RBMS3: variants seen among roughly 807,000 people sequenced by gnomAD.
The protein encoded by RBMS3 is RNA binding motif single stranded interacting protein 3, also known as RNA-binding motif, single-stranded-interacting protein 3.
RBMS3 carries 27 observed loss-of-function variants against 66.8 expected under a neutral mutation model. The observed-to-expected ratio is 0.40, with a 90% CI of 0.30 to 0.56. The LOEUF is 0.56. Among genes scored for constraint, RBMS3 ranks in the 20% least tolerant of loss-of-function variants. The pLI, the probability that RBMS3 is intolerant of heterozygous loss-of-function variation, is 0.40. For missense variants in RBMS3, 513 were observed against 549.5 expected, an observed-to-expected ratio of 0.93 and a Z score of 0.66; for synonymous variants, 188 against 183.0, an observed-to-expected ratio of 1.03 and a Z score of -0.22.
chr3:29,308,832 T>G (rs2125461131), intron 1 of RBMS3, among the ~76,000 whole-genome samples: 1 of 150,816 alleles, frequency 6.6e-6, no homozygotes, highest in South Asian at 2.1e-4. Context: ...AGCTTGATTT[T>G]GGAAGCTTGG....
intron 10 of RBMS3, among the ~76,000 whole-genome samples, chr3:29,920,152 G>A (rs1424872335): frequency 1.3e-5 from 2 of 151,924 alleles, no homozygotes; most frequent in Admixed American, 6.6e-5. Context: ...AGCCACATGG[G>A]GTTATAATCA....
At chr3:29,497,685 T>C (rs1310842062) in intron 3 of RBMS3, among the ~76,000 whole-genome samples, 1 of 152,118 alleles carries the variant, frequency 6.6e-6, no homozygotes, top group African/African-American at 2.4e-5. Flanking sequence ...GGATACCCCA[T>C]CTCTCATCTC....
At chr3:29,942,760 C>T (rs200174787) in intron 11 of RBMS3, among the ~76,000 whole-genome samples, 6 of 149,652 alleles carry the variant, frequency 4.0e-5, no homozygotes, top group African/African-American at 1.5e-4. Flanking sequence ...TTTAAAATGT[C>T]ATAAGTATAT....
intron 1 of RBMS3, among the ~76,000 whole-genome samples, chr3:29,370,033 G>A (rs1229560804): frequency 6.6e-6 from 1 of 152,160 alleles, no homozygotes; most frequent in Non-Finnish European, 1.5e-5. Context: ...CCAAAGAAAT[G>A]ACTTCGTGGT....
chr3:29,347,600 A>G (rs570151810), intron 1 of RBMS3, among the ~76,000 whole-genome samples: 1 of 152,186 alleles, frequency 6.6e-6, no homozygotes, highest in African/African-American at 2.4e-5. Context: ...GAAATAGTCA[A>G]TTATGTGGAT....
chr3:29,354,865 T>C (rs2037126717), intron 1 of RBMS3, among the ~76,000 whole-genome samples: 1 of 152,124 alleles, frequency 6.6e-6, no homozygotes, highest in South Asian at 2.1e-4. Flanking sequence ...GCACTCATTC[T>C]GTGTCAGACT....
chr3:29,784,950 T>C (rs539589053), intron 6 of RBMS3, among the ~76,000 whole-genome samples: 36 of 152,198 alleles, frequency 2.4e-4, no homozygotes, highest in African/African-American at 8.7e-4. Context: ...GATACATTTC[T>C]GAAAATATAC....
At chr3:29,827,621 C>A (rs1360410717) in intron 6 of RBMS3, among the ~76,000 whole-genome samples, 1 of 152,132 alleles carries the variant, frequency 6.6e-6, no homozygotes, top group Non-Finnish European at 1.5e-5. Flanking sequence ...CAGAGACTGT[C>A]CCTCAATTCC....
intron 4 of RBMS3, among the ~76,000 whole-genome samples, chr3:29,739,446 A>T (rs564294883): frequency 7.7e-6 from 1 of 130,338 alleles, no homozygotes; most frequent in Non-Finnish European, 1.6e-5. Flanking sequence ...ACAGAGCGAG[A>T]CTCCGTCTCA....
At chr3:29,913,308 G>A (rs1031476871) in intron 10 of RBMS3, among the ~76,000 whole-genome samples, 1 of 151,978 alleles carries the variant, frequency 6.6e-6, no homozygotes, top group Non-Finnish European at 1.5e-5. Context: ...AGCAGACTCT[G>A]AAATCTGCAC....
intron 4 of RBMS3, among the ~76,000 whole-genome samples, chr3:29,640,285 C>CA (rs778978179): frequency 0.024 from 3,271 of 137,514 alleles, 68 homozygotes; most frequent in Admixed American, 0.065. Context: ...CACACACACA[C>CA]CCACACACAC....
At position 29,543,564 on chromosome 3, in the gene RBMS3, G is replaced by A. The variant is rs538366824; in HGVS notation, c.308-43550G>A. On this transcript the variant is annotated intron_variant, in intron 3 of 14. Transcript: ENST00000383767. The stretch of plus-strand genomic sequence containing the variant: ...ATCACTACTAAAAATACAAAAAGTA[G>A]CCAGGTTTGGTGGCGCAAGTCTGTA... 5.3e-5 allele frequency among the ~76,000 whole-genome samples: 8 copies of A among 152,198 alleles called. No homozygotes were observed. The East Asian group carries it at 1.6e-3, about 30-fold the overall frequency.
At chr3:29,383,732 C>T (rs1246644095) in intron 1 of RBMS3, among the ~76,000 whole-genome samples, 1 of 152,128 alleles carries the variant, frequency 6.6e-6, no homozygotes, top group Admixed American at 6.6e-5. Flanking sequence ...AGAAAATGTG[C>T]GATCTGGACT....
chr3:29,391,718 T>C (rs2039304774), intron 1 of RBMS3, among the ~76,000 whole-genome samples: 1 of 152,184 alleles, frequency 6.6e-6, no homozygotes, highest in Non-Finnish European at 1.5e-5. Flanking sequence ...AAGATGTTCA[T>C]ATCAACTTTG....
intron 6 of RBMS3, among the ~76,000 whole-genome samples, chr3:29,829,620 CT>C (rs1196947352): frequency 6.6e-6 from 1 of 152,120 alleles, no homozygotes; most frequent in African/African-American, 2.4e-5. Context: ...TTTTAAAAAA[CT>C]GTTTTACCCA....
intron 3 of RBMS3, among the ~76,000 whole-genome samples, chr3:29,524,997 T>A (rs2045036388): frequency 6.6e-6 from 1 of 151,956 alleles, no homozygotes; most frequent in African/African-American, 2.4e-5. Flanking sequence ...TAGGGTGCGG[T>A]GAGCTATGAT....
Position 30,008,584 on chromosome 3 carries a change from A to AAGCCT in RBMS3, c.*4722_*4723insAGCCT, listed in dbSNP as rs1234255512. On this transcript the variant is annotated 3_prime_UTR_variant, in exon 15 of 15. Transcript: ENST00000383767. ...GCTTCAAAATTTTGAGCTTACTGGG[A>AAGCCT]CTGACAGCCTCTCACTTCAATCTGA... is the stretch of plus-strand genomic sequence containing the variant. 1 of 152,024 alleles carries AAGCCT rather than the reference A, an allele frequency of 6.6e-6. No individual in the cohort carries two copies. Among genetic ancestry groups the AAGCCT allele is most frequent in the Non-Finnish European group, 1.5e-5 (1 of 67,952 alleles). The allele number at this position is 152,024 out of a possible 1,614,324, so 9.4% of individuals were successfully genotyped here. A position where few individuals can be genotyped will look rare whatever the true frequency, so the allele number is the denominator to read the frequency against.
intron 6 of RBMS3, among the ~76,000 whole-genome samples, chr3:29,853,867 A>C (rs1384700522): frequency 1.3e-5 from 2 of 152,006 alleles, no homozygotes; most frequent in East Asian, 3.9e-4. Flanking sequence ...ACCTGCCCCT[A>C]CTTGCTAGTT....
At chr3:29,587,572 G>A (rs537946788) in intron 4 of RBMS3, among the ~76,000 whole-genome samples, 1 of 151,818 alleles carries the variant, frequency 6.6e-6, no homozygotes, top group East Asian at 2.0e-4. Context: ...CTGTGTGTAT[G>A]TGTCTTGGAC....
Sources: allele counts gnomAD v4.1 joint callset (sites outside exome capture counted in the v4.1 genomes callset), GRCh38; gene constraint gnomAD v4.1.1; transcripts MANE v1.5; gene names NCBI Gene and HGNC (gene_info 2026-07-23, HGNC 2026-07-21).